TBC1D5: variants seen among roughly 807,000 people sequenced by gnomAD.
TBC1D5 encodes TBC1 domain family, member 5.
TBC1D5 carries 75 observed loss-of-function variants against 100.3 expected under a neutral mutation model. The ratio of observed to expected loss-of-function variants is 0.75; its 90% CI spans 0.62 to 0.91. TBC1D5 has a LOEUF of 0.91. TBC1D5 is among the 40% of genes least tolerant of loss of function. TBC1D5 has a pLI of 0.00. For missense variants in TBC1D5, 910 were observed against 942.4 expected (o/e 0.97, Z 0.45); for synonymous variants, 323 against 325.6 (o/e 0.99, Z 0.09).
At chr3:17,553,124 C>T (rs968520865) in intron 2 of TBC1D5, among the ~76,000 whole-genome samples, 10 of 151,984 alleles carry the variant, frequency 6.6e-5, no homozygotes, top group African/African-American at 9.7e-5. Flanking sequence ...ATATTTCAGA[C>T]AAAAGAGAGA....
intron 5 of TBC1D5, among the ~76,000 whole-genome samples, chr3:17,405,544 G>C (rs983830331): frequency 2.6e-5 from 4 of 151,912 alleles, no homozygotes; most frequent in African/African-American, 9.7e-5. Context: ...AATAAATTTG[G>C]ATTTAGATTT....
chr3:17,540,368 A>G (rs2096337956), intron 2 of TBC1D5, among the ~76,000 whole-genome samples: 1 of 152,172 alleles, frequency 6.6e-6, no homozygotes, highest in South Asian at 2.1e-4. Context: ...TGTGCCTTTG[A>G]TGTCATACCC....
chr3:17,493,759 C>A (rs2150603750), intron 3 of TBC1D5, among the ~76,000 whole-genome samples: 1 of 152,290 alleles, frequency 6.6e-6, no homozygotes, highest in Middle Eastern at 3.4e-3. Flanking sequence ...TCTCGCCCTG[C>A]ATTTTTCAGC....
intron 2 of TBC1D5, among the ~76,000 whole-genome samples, chr3:17,557,878 A>T (rs961726190): frequency 6.6e-6 from 1 of 152,180 alleles, no homozygotes; most frequent in African/African-American, 2.4e-5. Flanking sequence ...CACCAGAACA[A>T]AACAGGGGTA....
At chr3:17,644,798 G>T (rs1327327545) in intron 1 of TBC1D5, among the ~76,000 whole-genome samples, 1 of 152,036 alleles carries the variant, frequency 6.6e-6, no homozygotes, top group Non-Finnish European at 1.5e-5. Context: ...AAATACACGA[G>T]AAAACAGGAA....
chr3:17,350,561 C>T (rs764117310), intron 13 of TBC1D5, among the ~76,000 whole-genome samples: 2 of 152,144 alleles, frequency 1.3e-5, no homozygotes, highest in Admixed American at 1.3e-4. Context: ...CATGTGCTAA[C>T]GTTGCTCAGT....
At chr3:17,490,458 CACAG>C (rs1437497555) in intron 3 of TBC1D5, among the ~76,000 whole-genome samples, 1 of 151,942 alleles carries the variant, frequency 6.6e-6, no homozygotes, top group African/African-American at 2.4e-5. Context: ...CCAGAGTTTT[CACAG>C]TTTCATAGTT....
chr3:17,215,219 T>C (rs998622384), intron 17 of TBC1D5, among the ~76,000 whole-genome samples: 3 of 151,666 alleles, frequency 2.0e-5, no homozygotes, highest in African/African-American at 7.3e-5. Flanking sequence ...CAAGTGGGGG[T>C]GAGTCAGGGG....
At chr3:17,461,947 T>G (rs2149942626) in intron 3 of TBC1D5, among the ~76,000 whole-genome samples, 1 of 152,272 alleles carries the variant, frequency 6.6e-6, no homozygotes, top group African/African-American at 2.4e-5. Flanking sequence ...GTCTTATCAT[T>G]TTCTCTCTCC....
chr3:17,248,084 C>T (rs560233418), intron 16 of TBC1D5, among the ~76,000 whole-genome samples: 24 of 151,960 alleles, frequency 1.6e-4, no homozygotes, highest in Non-Finnish European at 3.1e-4. Flanking sequence ...CTCTGCCTCC[C>T]GGGTTCAAGC....
chr3:17,383,023 T>G (rs1292559945), intron 9 of TBC1D5, among the ~76,000 whole-genome samples: 1 of 152,072 alleles, frequency 6.6e-6, no homozygotes, highest in Non-Finnish European at 1.5e-5. Context: ...CTATTAAAAA[T>G]AAGATAAAAT....
At chr3:17,665,354 A>C (rs1328603039) in intron 1 of TBC1D5, among the ~76,000 whole-genome samples, 1 of 152,216 alleles carries the variant, frequency 6.6e-6, no homozygotes, top group Non-Finnish European at 1.5e-5. Flanking sequence ...TATCTTTATA[A>C]AAGTTTGCAA....
At chr3:17,676,865 G>C (rs2068712579) in intron 1 of TBC1D5, among the ~76,000 whole-genome samples, 1 of 152,130 alleles carries the variant, frequency 6.6e-6, no homozygotes, top group Admixed American at 6.5e-5. Flanking sequence ...ACAACCATCT[G>C]ATCTTTGACA....
intron 3 of TBC1D5, among the ~76,000 whole-genome samples, chr3:17,482,213 A>C (rs2095510202): frequency 6.6e-6 from 1 of 151,634 alleles, no homozygotes; most frequent in Admixed American, 6.5e-5. Context: ...AGCTCTGTTC[A>C]AATGTTCCCT....
At chr3:17,616,754 C>T (rs1490501472) in intron 2 of TBC1D5, among the ~76,000 whole-genome samples, 1 of 152,084 alleles carries the variant, frequency 6.6e-6, no homozygotes, top group African/African-American at 2.4e-5. Flanking sequence ...GGTCTGCCTC[C>T]ATCCCTTTAT....
chr3:17,725,821 C>T (rs1024589103), intron 1 of TBC1D5, among the ~76,000 whole-genome samples: 8 of 152,282 alleles, frequency 5.3e-5, no homozygotes, highest in Non-Finnish European at 1.0e-4. Flanking sequence ...AGGCAATAAA[C>T]ACAGTACTCA....
At chr3:17,549,822 C>T (rs901234426) in intron 2 of TBC1D5, among the ~76,000 whole-genome samples, 12 of 151,780 alleles carry the variant, frequency 7.9e-5, no homozygotes, top group Admixed American at 5.9e-4. Context: ...CCCAGCTACT[C>T]GTGAGGCTGA....
At chr3:17,728,447 G>A (rs1428948248) in intron 1 of TBC1D5, among the ~76,000 whole-genome samples, 2 of 151,990 alleles carry the variant, frequency 1.3e-5, no homozygotes, top group Non-Finnish European at 2.9e-5. Context: ...AATTCATAAA[G>A]AGAATAATGA....
chr3:17,292,999 A>C (rs2081916148), intron 14 of TBC1D5, among the ~76,000 whole-genome samples: 1 of 152,164 alleles, frequency 6.6e-6, no homozygotes, highest in African/African-American at 2.4e-5. Flanking sequence ...TTCTTGCTAT[A>C]ACTTCCTACT....
Sources: allele counts gnomAD v4.1 joint callset (sites outside exome capture counted in the v4.1 genomes callset), GRCh38; gene constraint gnomAD v4.1.1; transcripts MANE v1.5; gene names NCBI Gene and HGNC (gene_info 2026-07-23, HGNC 2026-07-21).